The following ST6GALNAC3 variants were observed in gnomAD, a reference collection of about 807,000 sequenced individuals.
ST6GALNAC3 encodes the protein ST6 N-acetylgalactosaminide alpha-2,6-sialyltransferase 3.
Under a neutral mutation model 32.7 loss-of-function variants are expected in ST6GALNAC3, and 25 were observed. The ratio of observed to expected loss-of-function variants is 0.76; its 90% confidence interval spans 0.56 to 1.07. The LOEUF (loss-of-function observed/expected upper bound fraction) is 1.07. Among genes scored for constraint, ST6GALNAC3 ranks in the 50% least tolerant of loss-of-function variants. The probability of loss-of-function intolerance (pLI) is 0.00; values close to 1 mark genes in which losing one functional copy is unlikely to be tolerated. For missense variants in ST6GALNAC3, 355 were observed against 382.4 expected (o/e 0.93, Z 0.60); for synonymous variants, 129 against 133.1 (o/e 0.97, Z 0.21).
At position 76,542,264 on chromosome 1, in the gene ST6GALNAC3, G is replaced by A. The variant is rs566749403; in HGVS notation, c.624-85188G>A. On this transcript the variant is annotated intron_variant, in intron 3 of 4. Coordinates refer to ENST00000328299, the MANE Select transcript of ST6GALNAC3 (RefSeq NM_152996.4). ...TCTCTACTGAGTCTGGACCTAGAATGTGCAGCTTTAGGATTAGGGGTACTA... is the reference window on the plus strand; with the variant it reads ...TCTCTACTGAGTCTGGACCTAGAATATGCAGCTTTAGGATTAGGGGTACTA... Among the ~76,000 whole-genome samples, 8 of 152,266 alleles carry A rather than the reference G, an allele frequency of 5.3e-5. 1 individual carries two copies. In the South Asian group the frequency reaches 1.7e-3, roughly 32 times the overall value.
chr1:76,111,174 A>G (rs1647903759), intron 1 of ST6GALNAC3, among the ~76,000 whole-genome samples: 1 of 152,164 alleles, frequency 6.6e-6, no homozygotes, highest in Non-Finnish European at 1.5e-5. Flanking sequence ...TAACTCAAAA[A>G]TGGTTTTTGA....
At position 76,395,598 on chromosome 1, in the gene ST6GALNAC3, C is replaced by T. The variant is rs535936188; in HGVS notation, c.214-16410C>T. Among the ~76,000 whole-genome samples the T allele has an allele frequency of 1.0e-3, 153 of 151,346 alleles. 4 individuals are homozygous for T. The South Asian group carries it at 0.028, about 28-fold the overall frequency. On this transcript the variant is annotated intron_variant, in intron 2 of 4. Coordinates refer to ENST00000328299, the MANE Select transcript of ST6GALNAC3 (RefSeq NM_152996.4). Reference sequence around the variant, plus strand: ...CGTTACACACACACACAGACACACACGCACACACACACACGCACACACAGA... The same window carrying T: ...CGTTACACACACACACAGACACACATGCACACACACACACGCACACACAGA...
At chr1:76,377,991 G>A (rs1002348381) in intron 2 of ST6GALNAC3, among the ~76,000 whole-genome samples, 11 of 152,092 alleles carry the variant, frequency 7.2e-5, no homozygotes, top group African/African-American at 1.7e-4. Flanking sequence ...TACTTCCCTC[G>A]TTGGATGAAA....
intron 2 of ST6GALNAC3, among the ~76,000 whole-genome samples, chr1:76,358,960 T>G (rs1250324196): frequency 6.6e-6 from 1 of 152,208 alleles, no homozygotes; most frequent in African/African-American, 2.4e-5. Flanking sequence ...TCTTCCTGAA[T>G]AGATCAAATC....
chr1:76,334,758 AT>A (rs1647329647), intron 2 of ST6GALNAC3, among the ~76,000 whole-genome samples: 1 of 152,240 alleles, frequency 6.6e-6, no homozygotes, highest in Non-Finnish European at 1.5e-5. Flanking sequence ...CAATTTTTAA[AT>A]TTTAATATGC....
intron 1 of ST6GALNAC3, among the ~76,000 whole-genome samples, chr1:76,166,766 T>G (rs1652150719): frequency 6.6e-6 from 1 of 152,192 alleles, no homozygotes; most frequent in Admixed American, 6.5e-5. Context: ...TTATGGCAAT[T>G]GTGAGTAGGA....
chr1:76,625,049 C>A (rs1178762193), intron 3 of ST6GALNAC3, among the ~76,000 whole-genome samples: 1 of 151,898 alleles, frequency 6.6e-6, no homozygotes, highest in Non-Finnish European at 1.5e-5. Flanking sequence ...AAATAAGACC[C>A]AGAGAGGCTA....
intron 1 of ST6GALNAC3, chr1:76,142,849 A>G (rs1359445541): frequency 4.4e-6 from 2 of 451,456 alleles, no homozygotes; most frequent in Non-Finnish European, 8.9e-6. Context: ...TAAATTTTTC[A>G]TCTGCTTCTG....
intron 1 of ST6GALNAC3, among the ~76,000 whole-genome samples, chr1:76,233,826 C>G (rs1656500470): frequency 6.6e-6 from 1 of 152,134 alleles, no homozygotes; most frequent in Admixed American, 6.5e-5. Flanking sequence ...ATACCATTTA[C>G]TTTTAACAAC....
intron 1 of ST6GALNAC3, among the ~76,000 whole-genome samples, chr1:76,082,401 C>T (rs144645735): frequency 6.6e-6 from 1 of 152,248 alleles, no homozygotes; most frequent in East Asian, 1.9e-4. Context: ...CTTTTACTGC[C>T]AATTAGCGCC....
At chr1:76,341,622 T>TTTCC (rs1476447061) in intron 2 of ST6GALNAC3, among the ~76,000 whole-genome samples, 2 of 122,504 alleles carry the variant, frequency 1.6e-5, no homozygotes, top group Non-Finnish European at 1.7e-5. Flanking sequence ...TCTTTCTTTC[T>TTTCC]TTCTTTCTTT....
At chr1:76,288,186 A>G (rs1384684618) in intron 1 of ST6GALNAC3, among the ~76,000 whole-genome samples, 1 of 152,172 alleles carries the variant, frequency 6.6e-6, no homozygotes, top group East Asian at 1.9e-4. Context: ...GCTTTGGGAG[A>G]AAGGTGAAAT....
At chr1:76,299,972 T>C (rs1660633964) in intron 1 of ST6GALNAC3, among the ~76,000 whole-genome samples, 3 of 151,988 alleles carry the variant, frequency 2.0e-5, no homozygotes. Context: ...ACATTTAAAA[T>C]TCCCATTGTG....
chr1:76,416,636 T>G (rs1159398761), intron 3 of ST6GALNAC3, among the ~76,000 whole-genome samples: 3 of 146,682 alleles, frequency 2.0e-5, no homozygotes, highest in Non-Finnish European at 4.5e-5. Flanking sequence ...TGTTTTTTTT[T>G]TTTTTTTTTG....
intron 1 of ST6GALNAC3, among the ~76,000 whole-genome samples, chr1:76,084,125 C>T (rs1336143605): frequency 2.0e-5 from 3 of 152,158 alleles, no homozygotes; most frequent in Non-Finnish European, 4.4e-5. Context: ...TCAGAAGAGA[C>T]CACTAGACTC....
At chr1:76,144,096 C>T (rs1650520338) in intron 1 of ST6GALNAC3, among the ~76,000 whole-genome samples, 1 of 152,002 alleles carries the variant, frequency 6.6e-6, no homozygotes, top group Non-Finnish European at 1.5e-5. Flanking sequence ...CCAGGTCTCT[C>T]AAACTCTAGG....
intron 1 of ST6GALNAC3, among the ~76,000 whole-genome samples, chr1:76,168,216 T>G (rs1399759077): frequency 6.6e-6 from 1 of 152,202 alleles, no homozygotes; most frequent in Non-Finnish European, 1.5e-5. Context: ...AAGAACTTCT[T>G]GATTTCTGCC....
chr1:76,358,055 C>A lies in ST6GALNAC3; in HGVS notation c.213+44056C>A, dbSNP rs940094114. Among the ~76,000 whole-genome samples, 3 of 152,142 alleles carry A rather than the reference C, an allele frequency of 2.0e-5. No homozygotes were observed. In the South Asian group the frequency reaches 6.2e-4, roughly 32 times the overall value. On this transcript the variant is annotated intron_variant, in intron 2 of 4. Coordinates refer to ENST00000328299, the MANE Select transcript of ST6GALNAC3 (RefSeq NM_152996.4). ...TGGCTATATTCATCAGTGCTCACCA[C>A]TTCTTTTTTTAAAAAACCATTTTCT...
intron 3 of ST6GALNAC3, among the ~76,000 whole-genome samples, chr1:76,559,676 A>T (rs947041591): frequency 3.3e-5 from 5 of 152,134 alleles, no homozygotes; most frequent in Non-Finnish European, 7.4e-5. Context: ...ACAGAATAAA[A>T]CACCTTCATA....
Sources: gnomAD v4.1 joint callset for allele counts (sites outside exome capture counted in the v4.1 genomes callset) on GRCh38, gnomAD v4.1.1 for gene constraint, MANE v1.5 for transcripts, NCBI Gene and HGNC (gene_info 2026-07-23, HGNC 2026-07-21) for gene names.